MKLN1: variants seen among roughly 807,000 people sequenced by gnomAD.
MKLN1 encodes the protein muskelin 1.
A neutral mutation model predicts 99.0 loss-of-function variants in MKLN1; 18 were observed. That is an observed-to-expected ratio of 0.18 (90% confidence interval 0.13 to 0.27). The LOEUF (loss-of-function observed/expected upper bound fraction) is 0.27. Ranked by LOEUF, MKLN1 falls within the 10% of genes least tolerant of loss-of-function variation. MKLN1 has a pLI of 1.00. For missense variants in MKLN1, 621 were observed against 875.9 expected (o/e 0.71, Z 3.67); for synonymous variants, 288 against 293.2 (o/e 0.98, Z 0.18).
intron 8 of MKLN1, among the ~76,000 whole-genome samples, chr7:131,425,779 A>G (rs1314582513): frequency 6.6e-6 from 1 of 152,176 alleles, no homozygotes; most frequent in Non-Finnish European, 1.5e-5. Context: ...AAACCAATCT[A>G]CTACCCTACT....
chr7:131,128,619 G>T (rs1795500046), intron 1 of MKLN1, among the ~76,000 whole-genome samples: 1 of 152,160 alleles, frequency 6.6e-6, no homozygotes, highest in African/African-American at 2.4e-5. Context: ...AGATACATGA[G>T]AAATTCTAGA....
At chr7:131,165,876 A>C (rs916293996) in intron 2 of MKLN1, among the ~76,000 whole-genome samples, 1 of 152,172 alleles carries the variant, frequency 6.6e-6, no homozygotes, top group Non-Finnish European at 1.5e-5. Context: ...GCACTTTGGG[A>C]GGCCAAGGCA....
chr7:131,492,031 A>G lies in MKLN1; in HGVS notation c.*4303A>G, dbSNP rs187459354. ...AACATTCAGATATTGCTATAAATGT[A>G]CTTGAGTCATTTTCATTTGGGGATA... On this transcript the variant is annotated 3_prime_UTR_variant, in exon 18 of 18. Coordinates refer to ENST00000352689, the MANE Select transcript of MKLN1 (RefSeq NM_013255.5). The G allele has an allele frequency of 1.2e-4, 19 of 152,344 alleles. No homozygotes were observed. Among genetic ancestry groups the G allele is most frequent in the African/African-American group, 4.6e-4 (19 of 41,586 alleles). 9.4% of individuals were successfully genotyped at this position (152,344 alleles called of 1,614,324 possible).
At position 131,133,819 on chromosome 7, in the gene MKLN1, G is replaced by GTTT. The variant is rs1563226557; in HGVS notation, c.-418-9001_-418-9000insTTT. Among the ~76,000 whole-genome samples the GTTT allele has an allele frequency of 6.1e-4, 41 of 67,232 alleles. 4 individuals are homozygous for GTTT. The highest frequency in any genetic ancestry group is 4.0e-3 in the South Asian group (10 of 2,486). The allele number at this position is 67,232 out of a possible 152,430, so 44.1% of individuals were successfully genotyped here. ...ACTTCTTTTTTTTTTTTTTTAATTT[G>GTTT]GTTTTTTTTTTTTTTTTTTTTTTTT... On this transcript the variant is annotated intron_variant, in intron 1 of 7. Transcript: ENST00000416992.
chr7:131,230,762 G>A (rs908570605), intron 3 of MKLN1, among the ~76,000 whole-genome samples: 1 of 152,144 alleles, frequency 6.6e-6, no homozygotes, highest in African/African-American at 2.4e-5. Context: ...GAGTCTGGGA[G>A]AGTAATGGCA....
chr7:131,257,013 T>A (rs1022396819), intron 3 of MKLN1, among the ~76,000 whole-genome samples: 1 of 152,202 alleles, frequency 6.6e-6, no homozygotes. Flanking sequence ...GCTCTATACA[T>A]ACATACTTGC....
At position 131,205,341 on chromosome 7, in the gene MKLN1, GT is replaced by G. The variant is rs377633806; in HGVS notation, c.-179+2369del. Among the ~76,000 whole-genome samples the G allele has an allele frequency of 5.5e-3, 835 of 152,210 alleles. 9 individuals carry two copies. Among genetic ancestry groups the G allele is most frequent in the African/African-American group, 0.019 (776 of 41,530 alleles). Reference sequence around the variant, plus strand: ...AAATAATGTAATACATTTCTTTTCTGTTGAAATTAAAACATATTAATTAAAT... The same window carrying G: ...AAATAATGTAATACATTTCTTTTCTGTGAAATTAAAACATATTAATTAAAT... On this transcript the variant is annotated intron_variant, in intron 3 of 7. Transcript: ENST00000416992.
At chr7:131,340,401 C>CA (rs894119212) in intron 1 of MKLN1, among the ~76,000 whole-genome samples, 1 of 151,614 alleles carries the variant, frequency 6.6e-6, no homozygotes, top group South Asian at 2.1e-4. Flanking sequence ...CCTCAGCCCC[C>CA]CCAAGTAGCT....
intron 3 of MKLN1, among the ~76,000 whole-genome samples, chr7:131,227,715 A>C (rs1390016363): frequency 6.6e-6 from 1 of 151,764 alleles, no homozygotes; most frequent in Non-Finnish European, 1.5e-5. Flanking sequence ...ACAGGAACGT[A>C]CCACCATGCA....
chr7:131,112,479 T>A (rs1176129968), intron 1 of MKLN1, among the ~76,000 whole-genome samples: 1 of 152,240 alleles, frequency 6.6e-6, no homozygotes, highest in Non-Finnish European at 1.5e-5. Flanking sequence ...GCTCCCCATG[T>A]ACTTAGTCTC....
chr7:131,424,110 GTTAAT>G (rs1286439688), intron 8 of MKLN1, among the ~76,000 whole-genome samples: 1 of 152,148 alleles, frequency 6.6e-6, no homozygotes, highest in South Asian at 2.1e-4. Flanking sequence ...AAATTGTCAT[GTTAAT>G]TTAAGTCTTA....
intron 2 of MKLN1, among the ~76,000 whole-genome samples, chr7:131,185,839 C>G (rs1322260822): frequency 6.6e-6 from 1 of 152,092 alleles, no homozygotes; most frequent in Admixed American, 6.6e-5. Context: ...TAGAACATGG[C>G]CTAGCACGTA....
chr7:131,448,252 C>T (rs1018708511), intron 12 of MKLN1, among the ~76,000 whole-genome samples: 2 of 151,936 alleles, frequency 1.3e-5, no homozygotes, highest in South Asian at 2.1e-4. Flanking sequence ...AGTGGCAATG[C>T]GTGATAGTGA....
At chr7:131,389,018 C>G in intron 4 of MKLN1, 46 bp downstream of exon 4, 1 of 1,337,356 alleles carries the variant, frequency 7.5e-7, no homozygotes, top group Non-Finnish European at 1.1e-6. Flanking sequence ...TTGATATCAT[C>G]AGTCAGCAAA....
intron 1 of MKLN1, among the ~76,000 whole-genome samples, chr7:131,130,983 T>C (rs1275469648): frequency 6.8e-6 from 1 of 147,310 alleles, no homozygotes; most frequent in East Asian, 2.0e-4. Flanking sequence ...TTCCAGGAAG[T>C]TGAAGCTGCA....
In MKLN1 at chr7:131,387,191, T is replaced by C. The variant is rs752293160; in HGVS notation, c.240T>C (p.His80=). The C allele has an allele frequency of 4.3e-6, 7 of 1,612,548 alleles. No individual in the cohort carries two copies. Among genetic ancestry groups the C allele is most frequent in the South Asian group, 2.2e-5 (2 of 90,916 alleles). Residue 80 remains histidine, a synonymous_variant, in exon 3 of 18, where the codon CAT becomes CAC. Coordinates refer to ENST00000352689, the MANE Select transcript of MKLN1 (RefSeq NM_013255.5). ...CATTTGGAAAATATGAGAAAACTCATGTTTGCAATTTGAAGAAATTTAAAG... is the reference window on the plus strand; with the variant it reads ...CATTTGGAAAATATGAGAAAACTCACGTTTGCAATTTGAAGAAATTTAAAG... The part of the protein sequence containing the change: ...NITFGKYEKT[H]VCNLKKFKVF...
intron 3 of MKLN1, among the ~76,000 whole-genome samples, chr7:131,288,185 TTGTCCAA>T (rs957344441): frequency 1.5e-4 from 23 of 152,064 alleles, no homozygotes; most frequent in African/African-American, 5.6e-4. Flanking sequence ...ACTGTTGGGT[TTGTCCAA>T]TGGCAGGCAT....
intron 8 of MKLN1, among the ~76,000 whole-genome samples, chr7:131,418,817 C>T (rs1795102286): frequency 6.6e-6 from 1 of 152,176 alleles, no homozygotes; most frequent in South Asian, 2.1e-4. Flanking sequence ...AGTAGTGAGG[C>T]AACTTCTGTG....
At chr7:131,204,483 G>T (rs951127600) in intron 3 of MKLN1, among the ~76,000 whole-genome samples, 1 of 152,200 alleles carries the variant, frequency 6.6e-6, no homozygotes, top group African/African-American at 2.4e-5. Context: ...ACATGTAGAT[G>T]TAGTATCCAA....
Sources: gnomAD v4.1 joint callset for allele counts (sites outside exome capture counted in the v4.1 genomes callset) on GRCh38, gnomAD v4.1.1 for gene constraint, MANE v1.5 for transcripts, NCBI Gene and HGNC (gene_info 2026-07-23, HGNC 2026-07-21) for gene names.